Variants in AUTS2 observed in about 807,000 individuals in gnomAD.
AUTS2 encodes the protein activator of transcription and developmental regulator AUTS2, also known as autism susceptibility gene 2 protein.
In AUTS2, 17 loss-of-function variants were observed where a neutral mutation model predicts 112.4. The observed-to-expected ratio is 0.15, with a 90% CI of 0.10 to 0.23. AUTS2 has a LOEUF of 0.23. Ranked by LOEUF, AUTS2 falls within the 10% of genes least tolerant of loss-of-function variation. The probability of loss-of-function intolerance (pLI) is 1.00; values close to 1 mark genes in which losing one functional copy is unlikely to be tolerated. For synonymous variants in AUTS2, 751 were observed against 702.7 expected (o/e 1.07, Z -1.09); for missense variants, 1,510 against 1,701.6 (o/e 0.89, Z 1.98).
chr7:69,717,441 A>G (rs769012293), intron 1 of AUTS2, among the ~76,000 whole-genome samples: 3 of 152,120 alleles, frequency 2.0e-5, no homozygotes, highest in Non-Finnish European at 4.4e-5. Flanking sequence ...CCCTGTGTGG[A>G]AACTTTATAG....
At chr7:70,319,929 AC>A (rs1790174902) in intron 4 of AUTS2, among the ~76,000 whole-genome samples, 1 of 152,218 alleles carries the variant, frequency 6.6e-6, no homozygotes, top group African/African-American at 2.4e-5. Context: ...AATGAACAAA[AC>A]AAAATTATCT....
intron 5 of AUTS2, among the ~76,000 whole-genome samples, chr7:70,438,753 G>C (rs929942117): frequency 5.3e-5 from 8 of 152,166 alleles, no homozygotes; most frequent in African/African-American, 1.9e-4. Context: ...GCTAACCAGG[G>C]CTGCTTTCAT....
chr7:69,738,140 G>C (rs573041963), intron 1 of AUTS2, among the ~76,000 whole-genome samples: 1 of 152,146 alleles, frequency 6.6e-6, no homozygotes, highest in East Asian at 1.9e-4. Flanking sequence ...ACAGATTTGG[G>C]GTGGAGTAAA....
chr7:69,845,652 G>C (rs1044825434), intron 1 of AUTS2, among the ~76,000 whole-genome samples: 1 of 152,176 alleles, frequency 6.6e-6, no homozygotes, highest in Non-Finnish European at 1.5e-5. Flanking sequence ...GCAGGGAGGG[G>C]AGTGTTTGTG....
At chr7:70,407,551 C>T (rs1794589856) in intron 4 of AUTS2, among the ~76,000 whole-genome samples, 3 of 152,112 alleles carry the variant, frequency 2.0e-5, no homozygotes, top group Admixed American at 6.5e-5. Context: ...TGTACATGCC[C>T]GTCACATAAA....
At chr7:70,739,003 CTTTTTTTTTTTTTTTTTTTTT>C (rs57525224) in intron 6 of AUTS2, among the ~76,000 whole-genome samples, 2 of 57,298 alleles carry the variant, frequency 3.5e-5, no homozygotes, top group East Asian at 7.8e-4. Context: ...GTTTTGAGGC[CTTTTTTTTTTTTTTTTTTTTT>C]TTTTTTTTTT....
chr7:70,744,393 CCCTCTGTTT>C (rs1788309122), intron 6 of AUTS2, among the ~76,000 whole-genome samples: 1 of 152,150 alleles, frequency 6.6e-6, no homozygotes, highest in Non-Finnish European at 1.5e-5. Flanking sequence ...TAGCTGAATG[CCCTCTGTTT>C]CATCTTGCCT....
chr7:70,625,093 C>T (rs1383489182), intron 5 of AUTS2, among the ~76,000 whole-genome samples: 2 of 152,120 alleles, frequency 1.3e-5, no homozygotes, highest in Non-Finnish European at 2.9e-5. Context: ...TCATCTTTCA[C>T]GTTCTAGGAC....
intron 4 of AUTS2, among the ~76,000 whole-genome samples, chr7:70,243,270 TGTGTGTGTGTATGA>T (rs1812723545): frequency 2.6e-5 from 4 of 151,304 alleles, no homozygotes; most frequent in Admixed American, 2.0e-4. Context: ...TGTGTGTGTG[TGTGTGTGTGTATGA>T]GTATATATAT....
intron 2 of AUTS2, among the ~76,000 whole-genome samples, chr7:70,029,384 A>T (rs1276215368): frequency 6.8e-6 from 1 of 147,958 alleles, no homozygotes; most frequent in East Asian, 2.0e-4. Flanking sequence ...CCCTTTTCAG[A>T]TTATTTGTGG....
chr7:70,374,424 A>G (rs1346239411), intron 4 of AUTS2, among the ~76,000 whole-genome samples: 1 of 152,178 alleles, frequency 6.6e-6, no homozygotes, highest in Non-Finnish European at 1.5e-5. Context: ...TCATGTAATC[A>G]GCTGAGATGC....
At chr7:70,489,474 A>AC (rs1249466695) in intron 5 of AUTS2, among the ~76,000 whole-genome samples, 3 of 151,598 alleles carry the variant, frequency 2.0e-5, no homozygotes, top group Admixed American at 6.6e-5. Context: ...CCTTCAGTAA[A>AC]CCCCCCCAGA....
chr7:70,773,946 C>A, intron 11 of AUTS2, 82 bp from the exon 12 acceptor site: 2 of 1,314,456 alleles, frequency 1.5e-6, no homozygotes, highest in South Asian at 1.2e-5. Context: ...TGGCTTCTCT[C>A]ATTTAGCAGA....
At chr7:69,625,997 T>C (rs1162722327) in intron 1 of AUTS2, among the ~76,000 whole-genome samples, 1 of 152,036 alleles carries the variant, frequency 6.6e-6, no homozygotes. Flanking sequence ...CAGAGATAAG[T>C]GTGATGGAAG....
At chr7:69,789,564 A>G (rs939251222) in intron 1 of AUTS2, among the ~76,000 whole-genome samples, 3 of 152,208 alleles carry the variant, frequency 2.0e-5, no homozygotes, top group African/African-American at 7.2e-5. Flanking sequence ...TTCTTGGCCT[A>G]TAGGAGTGTT....
At chr7:69,908,051 T>C (rs1183512883) in intron 2 of AUTS2, among the ~76,000 whole-genome samples, 1 of 152,224 alleles carries the variant, frequency 6.6e-6, no homozygotes, top group Non-Finnish European at 1.5e-5. Flanking sequence ...TGCTGTTAAC[T>C]CTCTTTTTAA....
intron 5 of AUTS2, among the ~76,000 whole-genome samples, chr7:70,610,470 C>T (rs2129533380): frequency 9.4e-6 from 1 of 106,124 alleles, no homozygotes; most frequent in African/African-American, 3.6e-5. Flanking sequence ...GAGTCTCATT[C>T]TGTTGCCCAG....
intron 5 of AUTS2, among the ~76,000 whole-genome samples, chr7:70,581,241 C>T (rs1236605640): frequency 7.9e-5 from 12 of 152,178 alleles, no homozygotes; most frequent in African/African-American, 2.4e-4. Context: ...AAAAAATTTG[C>T]CGGGCATGGT....
At chr7:70,747,430 T>G (rs993110706) in intron 6 of AUTS2, among the ~76,000 whole-genome samples, 5 of 152,190 alleles carry the variant, frequency 3.3e-5, no homozygotes, top group African/African-American at 1.2e-4. Flanking sequence ...ATTTCAGATG[T>G]GAAAGGTGAC....
Sources: allele counts gnomAD v4.1 joint callset (sites outside exome capture counted in the v4.1 genomes callset), GRCh38; gene constraint gnomAD v4.1.1; transcripts MANE v1.5; gene names NCBI Gene and HGNC (gene_info 2026-07-23, HGNC 2026-07-21).